The following ESRRG variants were observed in gnomAD, a reference collection of about 807,000 sequenced individuals.
ESRRG encodes the protein estrogen related receptor gamma.
In ESRRG, 13 loss-of-function variants were observed where a neutral mutation model predicts 44.0. The ratio of observed to expected loss-of-function variants is 0.30; its 90% CI spans 0.19 to 0.47. The LOEUF is 0.47. Ranked by LOEUF, ESRRG falls within the 20% of genes least tolerant of loss-of-function variation. The probability of loss-of-function intolerance (pLI) is 1.00; values close to 1 mark genes in which losing one functional copy is unlikely to be tolerated. For synonymous variants in ESRRG, 215 were observed against 214.6 expected (o/e 1.00, Z -0.02); for missense variants, 395 against 580.6 (o/e 0.68, Z 3.29).
Position 216,567,985 on chromosome 1 carries a change from T to C in ESRRG, c.700+3A>G. On this transcript the variant is annotated splice_donor_region_variant and intron_variant, in intron 4 of 6. Coordinates refer to ENST00000408911, the MANE Select transcript of ESRRG (RefSeq NM_001438.4). ...GGAAGCCAGACACATCTGCTGTACTTACATGGCTTTTTGGCTGGCTGAACC... is the reference window on the plus strand; with the variant it reads ...GGAAGCCAGACACATCTGCTGTACTCACATGGCTTTTTGGCTGGCTGAACC... 1 of 1,600,586 alleles carries C rather than the reference T, an allele frequency of 6.2e-7. No homozygotes were observed. Among genetic ancestry groups the C allele is most frequent in the Non-Finnish European group, 8.6e-7 (1 of 1,167,836 alleles).
chr1:216,844,036 C>T (rs894053907), intron 2 of ESRRG, among the ~76,000 whole-genome samples: 6 of 151,954 alleles, frequency 3.9e-5, no homozygotes, highest in Non-Finnish European at 7.4e-5. Flanking sequence ...ATATGCAGCA[C>T]TTAGACAATG....
At chr1:216,741,048 GT>G (rs2090626049) in intron 2 of ESRRG, among the ~76,000 whole-genome samples, 1 of 151,584 alleles carries the variant, frequency 6.6e-6, no homozygotes, top group Admixed American at 6.6e-5. Context: ...AGTTATCACA[GT>G]CCCCCCTCTC....
chr1:216,707,254 A>G, intron 1 of ESRRG: 1 of 1,256,960 alleles, frequency 8.0e-7, no homozygotes, highest in Middle Eastern at 1.9e-4. Flanking sequence ...CTTTTCATTA[A>G]TCAGTCTAAA....
intron 1 of ESRRG, among the ~76,000 whole-genome samples, chr1:216,943,134 A>G (rs1168916858): frequency 6.6e-6 from 1 of 152,186 alleles, no homozygotes; most frequent in African/African-American, 2.4e-5. Flanking sequence ...TGTACTTTTC[A>G]CATGCATTAC....
At chr1:217,101,507 C>A (rs914837008) in intron 1 of ESRRG, among the ~76,000 whole-genome samples, 1 of 152,194 alleles carries the variant, frequency 6.6e-6, no homozygotes, top group African/African-American at 2.4e-5. Context: ...GCATTTCAAA[C>A]TGATAAGATA....
At chr1:216,566,008 T>C (rs1034891061) in intron 4 of ESRRG, among the ~76,000 whole-genome samples, 2 of 151,552 alleles carry the variant, frequency 1.3e-5, no homozygotes, top group Non-Finnish European at 2.9e-5. Context: ...ACAGGGAACA[T>C]AGCACTGGCT....
At chr1:216,894,491 G>A (rs1288725554) in intron 2 of ESRRG, among the ~76,000 whole-genome samples, 1 of 152,046 alleles carries the variant, frequency 6.6e-6, no homozygotes, top group South Asian at 2.1e-4. Context: ...AAATGCTTGG[G>A]TAGAGTAGCT....
chr1:217,088,814 C>T (rs900927984), intron 1 of ESRRG, among the ~76,000 whole-genome samples: 1 of 152,038 alleles, frequency 6.6e-6, no homozygotes, highest in Admixed American at 6.6e-5. Flanking sequence ...CTCTGAGACT[C>T]TCCCATCACC....
intron 4 of ESRRG, 152 bp from the exon 5 acceptor site, chr1:216,564,532 G>A (rs1027007851): frequency 1.8e-5 from 9 of 487,662 alleles, no homozygotes; most frequent in East Asian, 3.4e-5. Context: ...TATATTAAAC[G>A]GTGTGCAGGA....
intron 2 of ESRRG, among the ~76,000 whole-genome samples, chr1:216,928,427 A>G (rs2062869129): frequency 6.6e-6 from 1 of 152,164 alleles, no homozygotes; most frequent in Non-Finnish European, 1.5e-5. Flanking sequence ...AATATTTACT[A>G]TCATTAAGAA....
At position 217,053,279 on chromosome 1, in the gene ESRRG, A is replaced by C. The variant is rs570521145; in HGVS notation, c.-106+36228T>G. 6.7e-3 allele frequency among the ~76,000 whole-genome samples: 1,014 copies of C among 151,916 alleles called. 6 individuals carry two copies. Among genetic ancestry groups the C allele is most frequent in the South Asian group, 0.017 (81 of 4,810 alleles). ...AGACCAGCCTGGCCAACATGGTGAA[A>C]CCCCGTTTCTACTAAAAATACAAAA... On this transcript the variant is annotated intron_variant, in intron 1 of 7. Transcript: ENST00000359162.
intron 5 of ESRRG, among the ~76,000 whole-genome samples, chr1:216,533,436 G>A (rs145235057): frequency 2.1e-3 from 324 of 152,212 alleles, no homozygotes; most frequent in African/African-American, 7.5e-3. Flanking sequence ...TCCTTGGTCA[G>A]TATACTATAG....
chr1:216,626,795 G>A (rs1309484622), intron 3 of ESRRG, among the ~76,000 whole-genome samples: 2 of 152,200 alleles, frequency 1.3e-5, no homozygotes, highest in African/African-American at 4.8e-5. Flanking sequence ...GGCCTTGCCC[G>A]CTGCCTTATC....
At chr1:216,686,623 A>C (rs376910849) in intron 1 of ESRRG, among the ~76,000 whole-genome samples, 1 of 145,324 alleles carries the variant, frequency 6.9e-6, no homozygotes, top group African/African-American at 2.5e-5. Flanking sequence ...CATTCTAAAA[A>C]ATCAACTAAA....
At chr1:216,706,164 CGAA>C (rs1553520862) in intron 1 of ESRRG, among the ~76,000 whole-genome samples, 1 of 151,576 alleles carries the variant, frequency 6.6e-6, no homozygotes, top group Non-Finnish European at 1.5e-5. Flanking sequence ...CTATACATGA[CGAA>C]GAATGCATCC....
At chr1:216,605,603 T>A (rs565854511) in intron 3 of ESRRG, among the ~76,000 whole-genome samples, 8 of 152,286 alleles carry the variant, frequency 5.3e-5, no homozygotes, top group African/African-American at 1.9e-4. Flanking sequence ...AGATGATTGT[T>A]GTACTATAAT....
At chr1:216,997,497 ACATGGTT>A (rs1264362403) in intron 1 of ESRRG, among the ~76,000 whole-genome samples, 6 of 152,238 alleles carry the variant, frequency 3.9e-5, no homozygotes, top group Non-Finnish European at 8.8e-5. Context: ...TATTGCAGGA[ACATGGTT>A]CTACTGAGTC....
At chr1:216,814,004 C>G (rs984263315) in intron 2 of ESRRG, among the ~76,000 whole-genome samples, 1 of 152,162 alleles carries the variant, frequency 6.6e-6, no homozygotes, top group East Asian at 1.9e-4. Context: ...TGCCTGCTTT[C>G]CTGCCTGCAG....
chr1:216,646,379 C>T (rs1050297634), intron 3 of ESRRG, among the ~76,000 whole-genome samples: 1 of 152,132 alleles, frequency 6.6e-6, no homozygotes, highest in African/African-American at 2.4e-5. Context: ...TAAGCATGTA[C>T]TAGACCCTGT....
Sources: allele counts gnomAD v4.1 joint callset (sites outside exome capture counted in the v4.1 genomes callset), GRCh38; gene constraint gnomAD v4.1.1; transcripts MANE v1.5; gene names NCBI Gene and HGNC (gene_info 2026-07-23, HGNC 2026-07-21).